Variants in EYA2 observed in about 807,000 individuals in gnomAD.
EYA2 encodes the protein EYA transcriptional coactivator and phosphatase 2.
In EYA2, 31 loss-of-function variants were observed where a neutral mutation model predicts 69.2. The observed-to-expected ratio is 0.45, with a 90% CI of 0.34 to 0.60. The LOEUF is 0.60. Ranked by LOEUF, EYA2 falls within the 20% of genes least tolerant of loss-of-function variation. The pLI is 0.02. For synonymous variants in EYA2, 257 were observed against 279.4 expected (o/e 0.92, Z 0.80); for missense variants, 622 against 701.2 (o/e 0.89, Z 1.28).
chr20:47,028,398 C>CT (rs1325889323), intron 5 of EYA2, among the ~76,000 whole-genome samples: 1 of 152,230 alleles, frequency 6.6e-6, no homozygotes, highest in Non-Finnish European at 1.5e-5. Flanking sequence ...GTTTGTTTCT[C>CT]TTTTGAAGAT....
intron 5 of EYA2, chr20:47,071,730 T>C (rs1568759422): frequency 6.1e-6 from 1 of 165,254 alleles, no homozygotes; most frequent in Non-Finnish European, 1.3e-5. Context: ...TCAGAGAAAT[T>C]TGGTAACCAA....
Position 47,136,432 on chromosome 20 carries a change from C to T in EYA2, c.889-6627C>T, listed in dbSNP as rs79558821. ...TGATCCACGAGGCAGATCTTTGGGCCGCCTACGTGGTGAAAGGCCCCACCA... is the reference window on the plus strand; with the variant it reads ...TGATCCACGAGGCAGATCTTTGGGCTGCCTACGTGGTGAAAGGCCCCACCA... On this transcript the variant is annotated intron_variant, in intron 9 of 15. Transcript: ENST00000327619. Among the ~76,000 whole-genome samples, 116 of 152,206 alleles carry T rather than the reference C, an allele frequency of 7.6e-4. 4 individuals carry two copies. In the East Asian group the frequency reaches 0.018, roughly 23 times the overall value.
Position 47,180,806 on chromosome 20 carries a change from T to C in EYA2, c.1314-9T>C. 1.2e-6 allele frequency: 2 copies of C among 1,613,730 alleles called. No individual in the cohort carries two copies. The highest frequency in any genetic ancestry group is 2.7e-5 in the African/African-American group (2 of 75,054). On this transcript the variant is annotated splice_polypyrimidine_tract_variant and intron_variant, in intron 13 of 15. Coordinates refer to ENST00000327619, the MANE Select transcript of EYA2 (RefSeq NM_005244.5). ...CTGAGTTCTGATCCACAGTCTCCTT[T>C]GTCCTTAGGCCCAACTGTGTCAATG... is the stretch of plus-strand genomic sequence containing the variant.
chr20:46,908,207 C>T (rs1036154413), intron 1 of EYA2, among the ~76,000 whole-genome samples: 1 of 152,198 alleles, frequency 6.6e-6, no homozygotes, highest in Non-Finnish European at 1.5e-5. Flanking sequence ...AGTCTCCTTC[C>T]TTGTGGAGCC....
intron 9 of EYA2, among the ~76,000 whole-genome samples, chr20:47,115,372 C>G (rs914429685): frequency 1.3e-5 from 2 of 152,204 alleles, no homozygotes; most frequent in African/African-American, 4.8e-5. Context: ...GTCTGGGCCT[C>G]TGCGTATGCT....
chr20:46,912,068 T>C (rs1399900744), intron 1 of EYA2, among the ~76,000 whole-genome samples: 1 of 152,192 alleles, frequency 6.6e-6, no homozygotes, highest in Non-Finnish European at 1.5e-5. Context: ...ACAATTGTTA[T>C]GTATCAATAA....
At chr20:46,915,438 G>A (rs750830988) in intron 1 of EYA2, among the ~76,000 whole-genome samples, 30 of 152,150 alleles carry the variant, frequency 2.0e-4, no homozygotes, top group Non-Finnish European at 3.8e-4. Flanking sequence ...ATGTTATCTA[G>A]GCCAGCCTTT....
At chr20:47,014,619 G>A (rs1161935191) in intron 4 of EYA2, among the ~76,000 whole-genome samples, 1 of 136,606 alleles carries the variant, frequency 7.3e-6, no homozygotes, top group Non-Finnish European at 1.6e-5. Flanking sequence ...ACTTGCACAT[G>A]TGCACAAAAT....
At chr20:46,917,133 A>T (rs927167402) in intron 1 of EYA2, among the ~76,000 whole-genome samples, 8 of 152,216 alleles carry the variant, frequency 5.3e-5, no homozygotes, top group African/African-American at 1.9e-4. Flanking sequence ...TCTTCCTAAC[A>T]TCTTGTACTT....
chr20:47,134,821 A>G (rs1367836708), intron 9 of EYA2, among the ~76,000 whole-genome samples: 1 of 152,076 alleles, frequency 6.6e-6, no homozygotes, highest in Non-Finnish European at 1.5e-5. Flanking sequence ...TTCCAACAAA[A>G]CTTTATTTAC....
intron 6 of EYA2, 62 bp from the exon 7 acceptor site, chr20:47,074,096 C>A: frequency 2.0e-6 from 3 of 1,467,244 alleles, no homozygotes; most frequent in Non-Finnish European, 2.8e-6. Flanking sequence ...CCAGGCTGAC[C>A]AACGGCCCGA....
intron 15 of EYA2, among the ~76,000 whole-genome samples, chr20:47,185,633 C>T (rs1490319445): frequency 6.6e-6 from 1 of 152,036 alleles, no homozygotes; most frequent in East Asian, 1.9e-4. Flanking sequence ...GCAGGATTGG[C>T]CAGGTGGCAA....
chr20:47,183,163 A>G (rs1330683118), intron 14 of EYA2, 128 bp from the exon 15 acceptor site: 3 of 811,384 alleles, frequency 3.7e-6, no homozygotes, highest in African/African-American at 1.7e-5. Flanking sequence ...AGTTTGCTCA[A>G]GAACGAAATG....
chr20:47,156,017 AATAT>A lies in EYA2; in HGVS notation c.978+12881_978+12884del, dbSNP rs556903919. Among the ~76,000 whole-genome samples the A allele has an allele frequency of 7.5e-5, 10 of 132,686 alleles. No homozygotes were observed. The South Asian group carries it at 1.6e-3, about 21-fold the overall frequency. 87.0% of individuals were successfully genotyped at this position (132,686 alleles called of 152,430 possible). On this transcript the variant is annotated intron_variant, in intron 10 of 15. Transcript: ENST00000327619. ...TGTGGCGAAATCCCGTCTCTACTTA[AATAT>A]ATATATATATACATACACACACACA... is the stretch of plus-strand genomic sequence containing the variant.
chr20:47,058,441 C>T (rs1276826144), intron 5 of EYA2, among the ~76,000 whole-genome samples: 1 of 152,150 alleles, frequency 6.6e-6, no homozygotes, highest in Non-Finnish European at 1.5e-5. Context: ...ACACACAGGC[C>T]CACAAGGGGA....
rs141450533 is a variant in EYA2, at chr20:46,941,957, T to C, written c.-11+46970T>C. 1.2e-3 allele frequency among the ~76,000 whole-genome samples: 181 copies of C among 152,094 alleles called. 2 individuals are homozygous for C. The highest frequency in any genetic ancestry group is 4.1e-3 in the African/African-American group (170 of 41,506). ...TTTTTTTGCAGAGATGGGATCTCAC[T>C]ATGTCGCCCAGCTGGTCTCAAACTC... On this transcript the variant is annotated intron_variant, in intron 1 of 15. Coordinates refer to ENST00000327619, the MANE Select transcript of EYA2 (RefSeq NM_005244.5).
At chr20:47,041,431 A>G (rs1985061699) in intron 5 of EYA2, among the ~76,000 whole-genome samples, 1 of 152,184 alleles carries the variant, frequency 6.6e-6, no homozygotes, top group African/African-American at 2.4e-5. Context: ...GTGTCCTTCA[A>G]GAGATAGTCT....
chr20:47,156,182 AT>A (rs2033946817), intron 10 of EYA2, among the ~76,000 whole-genome samples: 2 of 90,998 alleles, frequency 2.2e-5, no homozygotes, highest in South Asian at 4.5e-4. Flanking sequence ...ATATATATAT[AT>A]ATTAGCCGGG....
chr20:47,023,632 GTTTTT>G (rs60939329), intron 5 of EYA2, among the ~76,000 whole-genome samples: 1 of 90,116 alleles, frequency 1.1e-5, no homozygotes, highest in African/African-American at 4.3e-5. Flanking sequence ...GATTTTGGGT[GTTTTT>G]TTTTTTTTTT....
Sources: gnomAD v4.1 joint callset for allele counts (sites outside exome capture counted in the v4.1 genomes callset) on GRCh38, gnomAD v4.1.1 for gene constraint, MANE v1.5 for transcripts, NCBI Gene and HGNC (gene_info 2026-07-23, HGNC 2026-07-21) for gene names.